The following NCAM2 variants were observed in gnomAD, a reference collection of about 807,000 sequenced individuals.
NCAM2 encodes neural cell adhesion molecule 2, also known as N-CAM-2.
A neutral mutation model predicts 98.1 loss-of-function variants in NCAM2; 30 were observed. The observed-to-expected ratio is 0.31, with a 90% CI of 0.23 to 0.41. The LOEUF is 0.41. Ranked by LOEUF, NCAM2 falls within the 10% of genes least tolerant of loss-of-function variation. NCAM2 has a pLI of 1.00. For synonymous variants in NCAM2, 368 were observed against 342.4 expected (o/e 1.07, Z -0.83); for missense variants, 867 against 1,005.8 (o/e 0.86, Z 1.87).
intron 8 of NCAM2, among the ~76,000 whole-genome samples, chr21:21,359,282 A>G (rs2075579731): frequency 6.6e-6 from 1 of 151,864 alleles, no homozygotes; most frequent in Non-Finnish European, 1.5e-5. Flanking sequence ...CATCTGATGT[A>G]GGTGGTAGAA....
At chr21:21,497,679 C>T (rs1019364033) in intron 15 of NCAM2, among the ~76,000 whole-genome samples, 1 of 151,996 alleles carries the variant, frequency 6.6e-6, no homozygotes, top group East Asian at 1.9e-4. Flanking sequence ...AGACTCAGTA[C>T]TGAAGAATAA....
chr21:21,339,105 C>T (rs2074956520), intron 8 of NCAM2, among the ~76,000 whole-genome samples: 1 of 152,130 alleles, frequency 6.6e-6, no homozygotes, highest in Non-Finnish European at 1.5e-5. Flanking sequence ...TGTCAACAAA[C>T]TACAGTCCAT....
intron 14 of NCAM2, among the ~76,000 whole-genome samples, chr21:21,471,556 T>C (rs1369227942): frequency 1.3e-5 from 2 of 152,026 alleles, no homozygotes; most frequent in African/African-American, 4.8e-5. Flanking sequence ...ATCTGGAAAA[T>C]AAGAAACAGC....
intron 1 of NCAM2, among the ~76,000 whole-genome samples, chr21:21,080,683 A>G (rs1019982810): frequency 7.5e-6 from 1 of 133,574 alleles, no homozygotes; most frequent in Non-Finnish European, 1.6e-5. Flanking sequence ...AAAAAAAACC[A>G]ACATTGATTC....
At chr21:21,077,692 T>A (rs1214370469) in intron 1 of NCAM2, among the ~76,000 whole-genome samples, 1 of 152,182 alleles carries the variant, frequency 6.6e-6, no homozygotes, top group Non-Finnish European at 1.5e-5. Context: ...TAACTCAAAA[T>A]TTTAAGATGA....
At chr21:21,164,133 G>A (rs2067877864) in intron 1 of NCAM2, among the ~76,000 whole-genome samples, 1 of 152,174 alleles carries the variant, frequency 6.6e-6, no homozygotes, top group South Asian at 2.1e-4. Flanking sequence ...CTAGATGGCT[G>A]CAGTAGCATC....
intron 2 of NCAM2, 57 bp from the exon 3 acceptor site, chr21:21,284,137 G>T (rs1366037208): frequency 5.7e-6 from 8 of 1,392,934 alleles, no homozygotes; most frequent in Non-Finnish European, 8.1e-6. Context: ...AAATGCCAAT[G>T]TTCAAACAAA....
chr21:21,507,587 A>C (rs904126264), intron 15 of NCAM2, among the ~76,000 whole-genome samples: 3 of 151,940 alleles, frequency 2.0e-5, no homozygotes, highest in African/African-American at 7.2e-5. Flanking sequence ...AGGTCAGGAG[A>C]TCGAGACCAT....
intron 1 of NCAM2, among the ~76,000 whole-genome samples, chr21:21,193,642 C>T (rs951444406): frequency 4.0e-5 from 6 of 151,742 alleles, no homozygotes; most frequent in Non-Finnish European, 5.9e-5. Context: ...ACTACACAGG[C>T]GTGTCACCAT....
At chr21:21,530,239 T>G (rs1453488994) in intron 16 of NCAM2, among the ~76,000 whole-genome samples, 2 of 78,180 alleles carry the variant, frequency 2.6e-5, no homozygotes, top group African/African-American at 9.1e-5. Flanking sequence ...TATATTTAAT[T>G]TAAATTAATT....
At chr21:21,326,496 C>T (rs967225867) in intron 6 of NCAM2, among the ~76,000 whole-genome samples, 1 of 152,256 alleles carries the variant, frequency 6.6e-6, no homozygotes, top group Non-Finnish European at 1.5e-5. Flanking sequence ...TACCAAGATC[C>T]TCCAGCAGCT....
At chr21:21,440,680 C>G (rs1004533144) in intron 12 of NCAM2, among the ~76,000 whole-genome samples, 2 of 136,440 alleles carry the variant, frequency 1.5e-5, no homozygotes, top group Non-Finnish European at 3.2e-5. Flanking sequence ...AATCCTACAA[C>G]AGCAACAACA....
chr21:21,417,915 G>A (rs1042499514), intron 10 of NCAM2, among the ~76,000 whole-genome samples: 6 of 151,852 alleles, frequency 4.0e-5, no homozygotes, highest in African/African-American at 1.2e-4. Context: ...TTCCTCCTTC[G>A]TTAGTATTAT....
At chr21:21,457,177 C>T (rs1351632809) in intron 12 of NCAM2, among the ~76,000 whole-genome samples, 2 of 148,084 alleles carry the variant, frequency 1.4e-5, no homozygotes, top group Non-Finnish European at 3.0e-5. Context: ...CTTGTGAGGG[C>T]CCACAAGGGA....
chr21:21,540,396 A>G lies in NCAM2; in HGVS notation c.*2439A>G, dbSNP rs1990186480. The G allele has an allele frequency of 6.6e-6, 1 of 151,742 alleles. No individual in the cohort carries two copies. Among genetic ancestry groups the G allele is most frequent in the Non-Finnish European group, 1.5e-5 (1 of 67,928 alleles). 9.4% of individuals were successfully genotyped at this position (151,742 alleles called of 1,614,324 possible). On this transcript the variant is annotated 3_prime_UTR_variant, in exon 18 of 18. Transcript: ENST00000400546. ...ATTATATTCAGACTATTTCAAGTGC[A>G]CTGTTTCAGTTGCCCGGGTGGTCCT...
At chr21:21,133,237 A>C (rs1200860784) in intron 1 of NCAM2, among the ~76,000 whole-genome samples, 4 of 152,208 alleles carry the variant, frequency 2.6e-5, no homozygotes, top group Non-Finnish European at 5.9e-5. Flanking sequence ...ATTGATTAGA[A>C]TATGCTGTGG....
intron 16 of NCAM2, among the ~76,000 whole-genome samples, chr21:21,515,789 A>G (rs1308386365): frequency 6.6e-6 from 1 of 152,172 alleles, no homozygotes; most frequent in Admixed American, 6.6e-5. Flanking sequence ...AGTACTGTAT[A>G]ATGACCACAC....
At position 21,512,520 on chromosome 21, in the gene NCAM2, G is replaced by A. The variant is rs183664408; in HGVS notation, c.2282+3465G>A. Among the ~76,000 whole-genome samples, 385 of 152,132 alleles carry A rather than the reference G, an allele frequency of 2.5e-3. 3 individuals carry two copies. Among genetic ancestry groups the A allele is most frequent in the African/African-American group, 8.7e-3 (363 of 41,548 alleles). ...GTAGTATAATTTGAAGTTAGGTAATGTCATTCCTTCACTTTTGTTCTTTTG... is the reference window on the plus strand; with the variant it reads ...GTAGTATAATTTGAAGTTAGGTAATATCATTCCTTCACTTTTGTTCTTTTG... On this transcript the variant is annotated intron_variant, in intron 16 of 17. Transcript: ENST00000400546.
intron 1 of NCAM2, among the ~76,000 whole-genome samples, chr21:21,276,198 A>G (rs1358632411): frequency 6.6e-6 from 1 of 152,034 alleles, no homozygotes; most frequent in East Asian, 1.9e-4. Flanking sequence ...ATTTTTCATA[A>G]TTTTATGTAC....
Sources: gnomAD v4.1 joint callset for allele counts (sites outside exome capture counted in the v4.1 genomes callset) on GRCh38, gnomAD v4.1.1 for gene constraint, MANE v1.5 for transcripts, NCBI Gene and HGNC (gene_info 2026-07-23, HGNC 2026-07-21) for gene names.